The following DCC variants were observed in gnomAD, a reference collection of about 807,000 sequenced individuals.
DCC encodes the protein DCC netrin 1 receptor.
A neutral mutation model predicts 172.5 loss-of-function variants in DCC; 58 were observed. The observed-to-expected ratio is 0.34, with a 90% CI of 0.27 to 0.42. The LOEUF (loss-of-function observed/expected upper bound fraction) is 0.42. DCC is among the 10% of genes least tolerant of loss of function. The pLI, the probability that DCC is intolerant of heterozygous loss-of-function variation, is 1.00. For synonymous variants in DCC, 709 were observed against 644.5 expected (o/e 1.10, Z -1.52); for missense variants, 1,740 against 1,791.0 (o/e 0.97, Z 0.51).
intron 26 of DCC, among the ~76,000 whole-genome samples, chr18:53,489,171 C>T (rs1019532103): frequency 1.3e-5 from 2 of 151,996 alleles, no homozygotes; most frequent in African/African-American, 4.8e-5. Flanking sequence ...CGACAAAATG[C>T]TTAGTGATTT....
chr18:52,804,972 A>G (rs1428021192), intron 2 of DCC, among the ~76,000 whole-genome samples: 1 of 152,136 alleles, frequency 6.6e-6, no homozygotes, highest in Non-Finnish European at 1.5e-5. Context: ...CACAAACTTT[A>G]TATTTTCATC....
chr18:52,510,719 G>A (rs115039924), intron 1 of DCC, among the ~76,000 whole-genome samples: 2 of 152,042 alleles, frequency 1.3e-5, no homozygotes, highest in Non-Finnish European at 2.9e-5. Context: ...TGCCCTTATC[G>A]TAGGGAATGT....
chr18:52,840,974 AG>A (rs768434686), intron 2 of DCC, among the ~76,000 whole-genome samples: 3 of 149,128 alleles, frequency 2.0e-5, no homozygotes, highest in Admixed American at 6.7e-5. Context: ...GAAAAAAAAA[AG>A]CAGGAAAATA....
intron 2 of DCC, among the ~76,000 whole-genome samples, chr18:52,890,473 A>G (rs1467010271): frequency 3.9e-5 from 6 of 152,130 alleles, no homozygotes; most frequent in Admixed American, 1.3e-4. Flanking sequence ...ACAGCTCACT[A>G]TGGTACATAT....
At chr18:53,375,522 T>A (rs1004174364) in intron 15 of DCC, among the ~76,000 whole-genome samples, 17 of 152,134 alleles carry the variant, frequency 1.1e-4, no homozygotes, top group African/African-American at 3.4e-4. Context: ...AAATAATGAT[T>A]TGTTTGCTTG....
At chr18:52,967,924 A>G (rs2040962246) in intron 5 of DCC, among the ~76,000 whole-genome samples, 1 of 152,182 alleles carries the variant, frequency 6.6e-6, no homozygotes, top group Admixed American at 6.5e-5. Context: ...TAGTTATTTA[A>G]TGCATCTTAA....
chr18:52,979,566 T>A (rs894378778), intron 5 of DCC, among the ~76,000 whole-genome samples: 19 of 152,176 alleles, frequency 1.2e-4, no homozygotes, highest in African/African-American at 4.6e-4. Context: ...TCAGTTAATA[T>A]TCCCTCTCCC....
chr18:53,145,120 T>TC (rs1459621170), intron 7 of DCC, among the ~76,000 whole-genome samples: 4 of 133,494 alleles, frequency 3.0e-5, no homozygotes, highest in Admixed American at 8.1e-5. Context: ...TTTTTTTTTT[T>TC]TTTTTTTTTT....
intron 12 of DCC, among the ~76,000 whole-genome samples, chr18:53,228,252 G>T (rs1182019344): frequency 6.6e-6 from 1 of 150,826 alleles, no homozygotes; most frequent in Non-Finnish European, 1.5e-5. Flanking sequence ...AACGTTGTTA[G>T]TAAAAAAATA....
At chr18:52,668,613 G>T (rs1006657813) in intron 1 of DCC, among the ~76,000 whole-genome samples, 1 of 152,172 alleles carries the variant, frequency 6.6e-6, no homozygotes, top group Non-Finnish European at 1.5e-5. Flanking sequence ...AGAACAGTGT[G>T]CTACCCAGCC....
At chr18:52,858,050 G>T (rs1160383461) in intron 2 of DCC, among the ~76,000 whole-genome samples, 2 of 152,178 alleles carry the variant, frequency 1.3e-5, no homozygotes, top group African/African-American at 4.8e-5. Flanking sequence ...ACCTCATCCT[G>T]ATTTTCTAGT....
intron 5 of DCC, among the ~76,000 whole-genome samples, chr18:53,013,664 A>G (rs919666331): frequency 2.6e-5 from 4 of 151,806 alleles, no homozygotes; most frequent in African/African-American, 9.7e-5. Context: ...CTTGTGTAAC[A>G]AACTTGCACA....
intron 7 of DCC, among the ~76,000 whole-genome samples, chr18:53,091,817 A>G (rs984085289): frequency 1.4e-5 from 1 of 69,968 alleles, no homozygotes; most frequent in African/African-American, 7.6e-5. Flanking sequence ...ACATATATCT[A>G]TCTATCTATC....
intron 12 of DCC, among the ~76,000 whole-genome samples, chr18:53,263,650 T>G (rs1199646375): frequency 6.6e-6 from 1 of 152,170 alleles, no homozygotes; most frequent in African/African-American, 2.4e-5. Context: ...CCAAACTTTT[T>G]TAGACATAAA....
At chr18:53,047,312 T>A (rs932476717) in intron 5 of DCC, among the ~76,000 whole-genome samples, 11 of 20,244 alleles carry the variant, frequency 5.4e-4, no homozygotes, top group Admixed American at 1.7e-3. Context: ...ATATATAATT[T>A]TATATATATA....
At chr18:52,960,407 T>C (rs142231599) in intron 5 of DCC, among the ~76,000 whole-genome samples, 2,066 of 152,262 alleles carry the variant, frequency 0.014, 62 homozygotes, top group African/African-American at 0.048. Flanking sequence ...TTTCTTTTAA[T>C]GTCTACATTT....
intron 1 of DCC, among the ~76,000 whole-genome samples, chr18:52,506,767 A>G (rs1598873381): frequency 6.6e-6 from 1 of 152,148 alleles, no homozygotes; most frequent in African/African-American, 2.4e-5. Flanking sequence ...TTGTTATTTT[A>G]TCATCTCTAC....
intron 8 of DCC, among the ~76,000 whole-genome samples, chr18:53,169,567 A>C (rs957736836): frequency 1.8e-4 from 28 of 152,130 alleles, no homozygotes; most frequent in African/African-American, 6.3e-4. Context: ...GGGGGAAAGG[A>C]ATGAAGTGGA....
At chr18:53,189,283 G>C (rs571430500) in intron 9 of DCC, among the ~76,000 whole-genome samples, 40 of 151,928 alleles carry the variant, frequency 2.6e-4, no homozygotes, top group Non-Finnish European at 5.0e-4. Context: ...TCCAGATATT[G>C]GCATTAGTGT....
Sources: allele counts gnomAD v4.1 joint callset (sites outside exome capture counted in the v4.1 genomes callset), GRCh38; gene constraint gnomAD v4.1.1; transcripts MANE v1.5; gene names NCBI Gene and HGNC (gene_info 2026-07-23, HGNC 2026-07-21).